Variants in ZRANB3 observed in about 807,000 individuals in gnomAD.
The protein encoded by ZRANB3 is zinc finger RANBP2-type containing 3.
Under a neutral mutation model 133.8 loss-of-function variants are expected in ZRANB3, and 125 were observed. The observed-to-expected ratio is 0.93, with a 90% CI of 0.81 to 1.08. ZRANB3 has a LOEUF of 1.08. ZRANB3 is among the 50% of genes least tolerant of loss of function. The pLI, the probability that ZRANB3 is intolerant of heterozygous loss-of-function variation, is 0.00. For missense variants in ZRANB3, 1,229 were observed against 1,275.5 expected (o/e 0.96, Z 0.56); for synonymous variants, 387 against 432.7 (o/e 0.89, Z 1.31).
In ZRANB3 at chr2:135,459,089, G is replaced by A. The variant is rs117415665; in HGVS notation, c.161+45240C>T. Among the ~76,000 whole-genome samples, 29 of 152,134 alleles carry A rather than the reference G, an allele frequency of 1.9e-4. No individual in the cohort carries two copies. In the East Asian group the frequency reaches 5.6e-3, roughly 29 times the overall value. On this transcript the variant is annotated intron_variant, in intron 2 of 20. Coordinates refer to ENST00000264159, the MANE Select transcript of ZRANB3 (RefSeq NM_032143.4). ...TCTTATCACCTTCTTTTGGGTAACT[G>A]ATAAAAACTAAATGAAAGTGATCCT... is the stretch of plus-strand genomic sequence containing the variant.
chr2:135,445,308 T>G (rs1246457171), intron 2 of ZRANB3, among the ~76,000 whole-genome samples: 1 of 151,896 alleles, frequency 6.6e-6, no homozygotes, highest in East Asian at 1.9e-4. Context: ...GCTGGTCATG[T>G]TGGCAAACTC....
intron 2 of ZRANB3, among the ~76,000 whole-genome samples, chr2:135,484,044 T>C (rs1276485060): frequency 6.6e-6 from 1 of 152,194 alleles, no homozygotes; most frequent in African/African-American, 2.4e-5. Context: ...ATGTGGTCAA[T>C]TTTGGAATAG....
chr2:135,413,723 C>A (rs943586479), intron 2 of ZRANB3, among the ~76,000 whole-genome samples: 5 of 152,016 alleles, frequency 3.3e-5, no homozygotes, highest in Non-Finnish European at 7.4e-5. Context: ...ATAAACTCAG[C>A]CCTCTATTTC....
chr2:135,478,642 C>T (rs1025535030), intron 2 of ZRANB3, among the ~76,000 whole-genome samples: 1 of 151,908 alleles, frequency 6.6e-6, no homozygotes, highest in Non-Finnish European at 1.5e-5. Flanking sequence ...AAAATTCATC[C>T]GGTTGTTATG....
intron 2 of ZRANB3, among the ~76,000 whole-genome samples, chr2:135,493,110 TATATATATATA>T (rs1692470477): frequency 5.1e-3 from 1 of 196 alleles, no homozygotes; most frequent in African/African-American, 0.01. Flanking sequence ...TATATATATA[TATATATATATA>T]TATATATATA....
chr2:135,433,003 G>C (rs1689385176), intron 2 of ZRANB3, among the ~76,000 whole-genome samples: 1 of 152,204 alleles, frequency 6.6e-6, no homozygotes, highest in Non-Finnish European at 1.5e-5. Flanking sequence ...CCATGGAGAA[G>C]TCATCAGTTT....
At chr2:135,287,670 C>CTTTTTTTTTTTTTTTTTT (rs59739293) in intron 8 of ZRANB3, among the ~76,000 whole-genome samples, 2 of 98,056 alleles carry the variant, frequency 2.0e-5, no homozygotes, top group South Asian at 3.7e-4. Context: ...TATTTCTTTC[C>CTTTTTTTTTTTTTTTTTT]TTTTTTTTTT....
At chr2:135,512,850 T>C (rs1301580137) in intron 1 of ZRANB3, among the ~76,000 whole-genome samples, 1 of 152,102 alleles carries the variant, frequency 6.6e-6, no homozygotes, top group African/African-American at 2.4e-5. Context: ...GACACAACCA[T>C]ATCTATCTAT....
At chr2:135,207,027 T>G (rs1452436317) in intron 19 of ZRANB3, among the ~76,000 whole-genome samples, 4 of 151,858 alleles carry the variant, frequency 2.6e-5, no homozygotes, top group Non-Finnish European at 4.4e-5. Flanking sequence ...TAGCCAGGTG[T>G]GGTGGCACAT....
chr2:135,259,505 G>A (rs900537325), intron 12 of ZRANB3, among the ~76,000 whole-genome samples: 3 of 152,126 alleles, frequency 2.0e-5, no homozygotes, highest in Admixed American at 1.3e-4. Flanking sequence ...CACAACCTCC[G>A]CCTCCCGGGT....
chr2:135,233,417 C>T (rs1020957543), intron 12 of ZRANB3, among the ~76,000 whole-genome samples: 1 of 152,158 alleles, frequency 6.6e-6, no homozygotes, highest in Non-Finnish European at 1.5e-5. Context: ...GGCAGGCCAA[C>T]ATTCAAATTC....
chr2:135,483,343 T>G (rs535394978), intron 2 of ZRANB3, among the ~76,000 whole-genome samples: 1 of 152,350 alleles, frequency 6.6e-6, no homozygotes, highest in East Asian at 1.9e-4. Flanking sequence ...GGTCTAGTCT[T>G]GGGAGAGTGT....
chr2:135,385,024 T>C lies in ZRANB3; in HGVS notation c.180+5778A>G, dbSNP rs561905534. ...TAAGGCAGGAGAAAGAAATAAAGGGTATTGAAATAGGAAAAGAGGAAGTCA... is the reference window on the plus strand; with the variant it reads ...TAAGGCAGGAGAAAGAAATAAAGGGCATTGAAATAGGAAAAGAGGAAGTCA... On this transcript the variant is annotated intron_variant, in intron 3 of 20. Coordinates refer to ENST00000264159, the MANE Select transcript of ZRANB3 (RefSeq NM_032143.4). Among the ~76,000 whole-genome samples the C allele has an allele frequency of 1.9e-4, 29 of 152,210 alleles. No individual in the cohort carries two copies. The South Asian group carries it at 5.4e-3, about 28-fold the overall frequency.
At chr2:135,461,286 C>G (rs1180913462) in intron 2 of ZRANB3, among the ~76,000 whole-genome samples, 2 of 151,908 alleles carry the variant, frequency 1.3e-5, no homozygotes, top group African/African-American at 4.8e-5. Context: ...TAAGATAAAT[C>G]TGGCCAGGCA....
At chr2:135,282,333 C>T (rs1343297410) in intron 8 of ZRANB3, among the ~76,000 whole-genome samples, 1 of 152,206 alleles carries the variant, frequency 6.6e-6, no homozygotes, top group African/African-American at 2.4e-5. Context: ...TCCCTTCCCC[C>T]TTTGCCAATA....
chr2:135,230,401 A>G, intron 13 of ZRANB3, 112 bp downstream of exon 13: 1 of 954,378 alleles, frequency 1.0e-6, no homozygotes, highest in Non-Finnish European at 1.4e-6. Flanking sequence ...TTTAAAAGCT[A>G]AAGTTGTGCT....
At chr2:135,462,927 T>C (rs1690827188) in intron 2 of ZRANB3, among the ~76,000 whole-genome samples, 2 of 152,214 alleles carry the variant, frequency 1.3e-5, no homozygotes, top group African/African-American at 2.4e-5. Context: ...GTCTTTTCTC[T>C]AGCTCATTCA....
At chr2:135,338,326 G>A (rs1684461752) in intron 6 of ZRANB3, among the ~76,000 whole-genome samples, 1 of 152,198 alleles carries the variant, frequency 6.6e-6, no homozygotes, top group Non-Finnish European at 1.5e-5. Context: ...CTCCAATGAG[G>A]AATACAATGC....
intron 2 of ZRANB3, among the ~76,000 whole-genome samples, chr2:135,395,614 C>T (rs904913564): frequency 1.3e-5 from 2 of 151,876 alleles, no homozygotes; most frequent in African/African-American, 2.4e-5. Context: ...CACACCACGA[C>T]GCCCGGCTAA....
Sources: gnomAD v4.1 joint callset for allele counts (sites outside exome capture counted in the v4.1 genomes callset) on GRCh38, gnomAD v4.1.1 for gene constraint, MANE v1.5 for transcripts, NCBI Gene and HGNC (gene_info 2026-07-23, HGNC 2026-07-21) for gene names.